The following KATNIP variants were observed in gnomAD, a reference collection of about 807,000 sequenced individuals.
The protein encoded by KATNIP is katanin-interacting protein.
Under a neutral mutation model 174.0 loss-of-function variants are expected in KATNIP, and 126 were observed. The observed-to-expected ratio is 0.72, with a 90% CI of 0.63 to 0.84. The LOEUF (loss-of-function observed/expected upper bound fraction) is 0.84, where lower values mean the gene tolerates loss of function less well. Ranked by LOEUF, KATNIP falls within the 40% of genes least tolerant of loss-of-function variation. The pLI is 0.00. For missense variants in KATNIP, 1,958 were observed against 2,109.7 expected (o/e 0.93, Z 1.41); for synonymous variants, 810 against 835.7 (o/e 0.97, Z 0.53).
intron 2 of KATNIP, among the ~76,000 whole-genome samples, chr16:27,596,896 G>T (rs2075354060): frequency 6.6e-6 from 1 of 152,136 alleles, no homozygotes; most frequent in Non-Finnish European, 1.5e-5. Context: ...GGTGGCGTGT[G>T]CCTATAATCC....
intron 2 of KATNIP, among the ~76,000 whole-genome samples, chr16:27,600,303 A>G (rs2075474657): frequency 6.6e-6 from 1 of 152,144 alleles, no homozygotes; most frequent in African/African-American, 2.4e-5. Flanking sequence ...TCCTAGATGA[A>G]CATTGTCTCA....
chr16:27,624,285 C>T lies in KATNIP; in HGVS notation c.141-4376C>T, dbSNP rs553730876. On this transcript the variant is annotated intron_variant, in intron 3 of 27. Coordinates refer to ENST00000261588, the MANE Select transcript of KATNIP (RefSeq NM_015202.5). ...CCGGTGGCCCACGAGGAGGAGACTC[C>T]TCCCCGAACCACCCCAGCCCCAGCC... Among the ~76,000 whole-genome samples, 145 of 152,264 alleles carry T rather than the reference C, an allele frequency of 9.5e-4. No homozygotes were observed. The Middle Eastern group carries it at 0.01, about 11-fold the overall frequency.
Position 27,618,348 on chromosome 16 carries a change from G to A in KATNIP, c.64-77G>A, listed in dbSNP as rs181038525. On this transcript the variant is annotated intron_variant, in intron 2 of 27. Transcript: ENST00000261588. ...CCTCCGCCTCTCAGCCTGCTGCGCC[G>A]GTGTGTGCTGCACCTGCACTCTCAG... is the stretch of plus-strand genomic sequence containing the variant. The A allele has an allele frequency of 1.8e-3, 2,033 of 1,145,634 alleles. 5 individuals carry two copies. Among genetic ancestry groups the A allele is most frequent in the Non-Finnish European group, 1.7e-3 (1,308 of 757,324 alleles). The allele number at this position is 1,145,634 out of a possible 1,614,324, so 71.0% of individuals were successfully genotyped here. A position where few individuals can be genotyped will look rare whatever the true frequency, so the allele number is the denominator to read the frequency against.
chr16:27,651,127 C>G (rs192438231), intron 6 of KATNIP, among the ~76,000 whole-genome samples: 2 of 152,280 alleles, frequency 1.3e-5, no homozygotes, highest in East Asian at 3.9e-4. Flanking sequence ...TAACATATAG[C>G]CCTTCCTTTG....
At chr16:27,594,517 C>T (rs1013788225) in intron 2 of KATNIP, among the ~76,000 whole-genome samples, 18 of 152,090 alleles carry the variant, frequency 1.2e-4, no homozygotes, top group Middle Eastern at 3.4e-3. Flanking sequence ...AAAGTCACCT[C>T]GGCCCTGGCT....
intron 2 of KATNIP, among the ~76,000 whole-genome samples, chr16:27,598,357 C>T (rs1378502804): frequency 2.0e-5 from 3 of 152,086 alleles, no homozygotes; most frequent in East Asian, 1.9e-4. Context: ...AATGAAAAAC[C>T]GTCTCTCTCC....
chr16:27,713,699 CACAT>C (rs1396835351), intron 13 of KATNIP, among the ~76,000 whole-genome samples: 3 of 142,516 alleles, frequency 2.1e-5, no homozygotes, highest in African/African-American at 8.0e-5. Flanking sequence ...TATATATATA[CACAT>C]ACATATTATA....
chr16:27,601,852 C>T (rs2075537029), intron 2 of KATNIP, among the ~76,000 whole-genome samples: 1 of 152,182 alleles, frequency 6.6e-6, no homozygotes, highest in African/African-American at 2.4e-5. Flanking sequence ...TGATCATCTA[C>T]TCAGACAGCC....
chr16:27,596,370 C>A (rs2075336144), intron 2 of KATNIP, among the ~76,000 whole-genome samples: 2 of 151,972 alleles, frequency 1.3e-5, no homozygotes, highest in Non-Finnish European at 1.5e-5. Context: ...ATGATGGCTG[C>A]TTTATCTCCT....
rs1281068655 is a variant in KATNIP, at chr16:27,708,642, G to C, written c.1390-63G>C. ...ACTTTTTGAAGGCAGTGGTGGCAGA[G>C]GCAGAGCCGAATTCAAGCCTGTCAT... is the stretch of plus-strand genomic sequence containing the variant. On this transcript the variant is annotated intron_variant, in intron 12 of 27. Coordinates refer to ENST00000261588, the MANE Select transcript of KATNIP (RefSeq NM_015202.5). 6 of 1,367,728 alleles carry C rather than the reference G, an allele frequency of 4.4e-6. No homozygotes were observed. In the African/African-American group the frequency reaches 8.6e-5, roughly 20 times the overall value. The allele number at this position is 1,367,728 out of a possible 1,614,324, so 84.7% of individuals were successfully genotyped here. A position where few individuals can be genotyped will look rare whatever the true frequency, so the allele number is the denominator to read the frequency against.
intron 14 of KATNIP, among the ~76,000 whole-genome samples, chr16:27,724,872 T>C (rs1327671779): frequency 2.6e-5 from 4 of 152,222 alleles, no homozygotes; most frequent in Non-Finnish European, 5.9e-5. Flanking sequence ...TGTGGGCAGC[T>C]AATCCAACCA....
chr16:27,643,037 T>C (rs2076849733), intron 5 of KATNIP, among the ~76,000 whole-genome samples: 1 of 152,210 alleles, frequency 6.6e-6, no homozygotes, highest in African/African-American at 2.4e-5. Context: ...GTAAATAAAG[T>C]GTTACTGGAA....
In KATNIP at chr16:27,618,442, G is replaced by A; in HGVS notation, c.81G>A (p.Met27Ile). 1 of 1,613,312 alleles carries A rather than the reference G, an allele frequency of 6.2e-7. No homozygotes were observed. Among genetic ancestry groups the A allele is most frequent in the Non-Finnish European group, 8.5e-7 (1 of 1,179,306 alleles). ...REKKEGYAKD[M>I]VTDFDEKHDE... ...CATTTCAGGGTTACGCTAAGGACAT[G>A]GTGACAGACTTTGATGAGAAACATG... Residue 27 changes from methionine (M) to isoleucine (I), a missense_variant, in exon 3 of 28, where the codon ATG (methionine) becomes ATA (isoleucine). Transcript: ENST00000261588.
intron 2 of KATNIP, among the ~76,000 whole-genome samples, chr16:27,615,293 CTT>C (rs528705562): frequency 1.5e-4 from 19 of 129,362 alleles, no homozygotes; most frequent in African/African-American, 2.8e-4. Context: ...CACATCTGGC[CTT>C]TTTTTTTTTT....
intron 20 of KATNIP, among the ~76,000 whole-genome samples, chr16:27,767,177 A>G (rs1453703000): frequency 6.6e-6 from 1 of 152,136 alleles, no homozygotes; most frequent in South Asian, 2.1e-4. Flanking sequence ...CTAGGGCCCT[A>G]CTATCAGGAG....
rs113918339 is a variant in KATNIP, at chr16:27,777,891, G to C, written c.4723G>C (p.Glu1575Gln). The C allele has an allele frequency of 6.2e-7, 1 of 1,614,178 alleles. No homozygotes were observed. Among genetic ancestry groups the C allele is most frequent in the South Asian group, 1.1e-5 (1 of 91,080 alleles). The change falls in exon 27 of 28, where the codon GAG becomes CAG. Residue 1575 changes from glutamate (E) to glutamine (Q), a missense_variant. Transcript: ENST00000261588. This position sits in a 1 kb window ranked among gnomAD's most constrained non-coding sequence, Gnocchi z 4.4. ...CCTTCCTACCCTCAGTAATCAGGCC[G>C]AGGATCAAGATGTCCAGATGATGAA... The part of the protein sequence containing the change: ...EKHTTISNQA[E>Q]DQDVQMMNEN...
chr16:27,574,716 C>T (rs1218416592), intron 2 of KATNIP, among the ~76,000 whole-genome samples: 1 of 151,990 alleles, frequency 6.6e-6, no homozygotes, highest in African/African-American at 2.4e-5. Context: ...AGGCGCCTGC[C>T]ACCAAGCCCG....
At chr16:27,743,343 T>G (rs1253231783) in intron 15 of KATNIP, among the ~76,000 whole-genome samples, 1 of 152,186 alleles carries the variant, frequency 6.6e-6, no homozygotes, top group Non-Finnish European at 1.5e-5. Context: ...TTAGGGAGTG[T>G]CTAGCAGATA....
chr16:27,678,372 G>C (rs372468384), intron 7 of KATNIP, among the ~76,000 whole-genome samples: 1 of 151,872 alleles, frequency 6.6e-6, no homozygotes, highest in Non-Finnish European at 1.5e-5. Flanking sequence ...CTCCCTCTTC[G>C]TCTTCTTTTC....
Sources: gnomAD v4.1 joint callset for allele counts (sites outside exome capture counted in the v4.1 genomes callset) on GRCh38, gnomAD v4.1.1 for gene constraint, Gnocchi (gnomAD v3.1) non-coding constraint, MANE v1.5 for transcripts, NCBI Gene and HGNC (gene_info 2026-07-23, HGNC 2026-07-21) for gene names.